The following CCND3 variants were observed in gnomAD, a reference collection of about 807,000 sequenced individuals.
CCND3 encodes the protein G1/S-specific cyclin-D3.
CCND3 carries 9 observed loss-of-function variants against 28.7 expected under a neutral mutation model. The observed-to-expected ratio is 0.31, with a 90% CI of 0.19 to 0.55. CCND3 has a LOEUF of 0.55. CCND3 is among the 20% of genes least tolerant of loss of function. CCND3 has a pLI of 0.93. For synonymous variants in CCND3, 164 were observed against 163.9 expected, an observed-to-expected ratio of 1.00 and a Z score of 0.00; for missense variants, 315 against 385.8, an observed-to-expected ratio of 0.82 and a Z score of 1.54.
intron 1 of CCND3, among the ~76,000 whole-genome samples, chr6:41,964,463 A>AGTGTGTGTGAGTGTGTGTGAATGT (rs1761815524): frequency 6.8e-6 from 1 of 146,112 alleles, no homozygotes; most frequent in African/African-American, 2.7e-5. Flanking sequence ...TCTGTGTGTG[A>AGTGTGTGTGAGTGTGTGTGAATGT]GTGTGTGTGT....
At chr6:42,003,175 A>AAAG (rs1554165224) in intron 1 of CCND3, among the ~76,000 whole-genome samples, 114 of 146,158 alleles carry the variant, frequency 7.8e-4, no homozygotes, top group Middle Eastern at 3.5e-3. Context: ...AAAAAAAAAA[A>AAAG]AGAGAAATAT....
intron 1 of CCND3, among the ~76,000 whole-genome samples, chr6:42,014,971 G>T (rs1047230571): frequency 6.6e-6 from 1 of 152,148 alleles, no homozygotes; most frequent in African/African-American, 2.4e-5. Flanking sequence ...GAGAACCCAG[G>T]TGACACCTTC....
intron 1 of CCND3, among the ~76,000 whole-genome samples, chr6:41,997,828 T>G (rs1319684789): frequency 6.6e-6 from 1 of 151,688 alleles, no homozygotes; most frequent in Non-Finnish European, 1.5e-5. Flanking sequence ...CTAAGGTCCA[T>G]TCCCAACTGG....
intron 1 of CCND3, among the ~76,000 whole-genome samples, chr6:41,972,111 C>T (rs1366421041): frequency 4.0e-5 from 6 of 150,296 alleles, no homozygotes; most frequent in Non-Finnish European, 8.9e-5. Flanking sequence ...GCCTATAGTC[C>T]CAGCCATGCG....
At chr6:41,964,454 CTGTGTGTGAGTGTGTGTGTGAG>C (rs1366977485) in intron 1 of CCND3, among the ~76,000 whole-genome samples, 2 of 84,430 alleles carry the variant, frequency 2.4e-5, no homozygotes, top group African/African-American at 3.8e-5. Flanking sequence ...ATGTGTGAGT[CTGTGTGTGAGTGTGTGTGTGAG>C]TGTGTGTGAA....
intron 1 of CCND3, among the ~76,000 whole-genome samples, chr6:42,000,584 T>TTTTTTTTTTA (rs1582148276): frequency 1.4e-5 from 2 of 146,942 alleles, no homozygotes; most frequent in Non-Finnish European, 3.0e-5. Context: ...TTTTTTTTTC[T>TTTTTTTTTTA]GAGACGGAGT....
intron 1 of CCND3, among the ~76,000 whole-genome samples, chr6:42,035,768 C>A (rs1170079590): frequency 6.6e-6 from 1 of 151,166 alleles, no homozygotes; most frequent in South Asian, 2.1e-4. Flanking sequence ...ACCTCCACCT[C>A]CAGGGTTCAA....
At chr6:42,002,540 T>C (rs1763041124) in intron 1 of CCND3, among the ~76,000 whole-genome samples, 1 of 151,778 alleles carries the variant, frequency 6.6e-6, no homozygotes, top group Non-Finnish European at 1.5e-5. Context: ...GGGAAATATA[T>C]AGCCTTAAGT....
intron 1 of CCND3, among the ~76,000 whole-genome samples, chr6:41,989,100 G>T (rs907797537): frequency 2.0e-5 from 3 of 151,962 alleles, no homozygotes; most frequent in African/African-American, 4.8e-5. Flanking sequence ...TAATTGCAAA[G>T]AACACATTTG....
intron 1 of CCND3, among the ~76,000 whole-genome samples, chr6:42,014,365 CAAACAAAACAAAACAAAACA>C (rs66873567): frequency 1.3e-5 from 2 of 148,714 alleles, no homozygotes; most frequent in African/African-American, 2.5e-5. Flanking sequence ...GACTCTGTCT[CAAACAAAACAAAACAAAACA>C]AAACAAAACA....
intron 1 of CCND3, among the ~76,000 whole-genome samples, chr6:41,993,649 A>G (rs1315883703): frequency 6.6e-6 from 1 of 151,596 alleles, no homozygotes; most frequent in Non-Finnish European, 1.5e-5. Flanking sequence ...ACCTCAGATG[A>G]TCCGCCCACC....
intron 1 of CCND3, among the ~76,000 whole-genome samples, chr6:41,956,762 C>G (rs892134477): frequency 6.6e-6 from 1 of 152,124 alleles, no homozygotes; most frequent in Non-Finnish European, 1.5e-5. Context: ...GGCGCGGTGG[C>G]TCAAGCCTGT....
At chr6:42,003,802 G>A (rs1199687829) in intron 1 of CCND3, among the ~76,000 whole-genome samples, 1 of 151,390 alleles carries the variant, frequency 6.6e-6, no homozygotes. Flanking sequence ...AGCTGGGCTT[G>A]GTGGTGGCAT....
intron 1 of CCND3, among the ~76,000 whole-genome samples, chr6:42,013,677 A>G (rs1763404601): frequency 6.6e-6 from 1 of 152,148 alleles, no homozygotes; most frequent in Non-Finnish European, 1.5e-5. Flanking sequence ...GTTGAATTTT[A>G]TATTGTTAAA....
rs1582079971 is a variant in CCND3 at position 41,935,976 on chromosome 6, G to A, written c.843C>T (p.Thr281=). The change falls in exon 5 of 5, where the codon ACC becomes ACT. Residue 281 remains threonine (T), a synonymous_variant. Coordinates refer to ENST00000372991, the MANE Select transcript of CCND3 (RefSeq NM_001760.5). ...TGGCTGTGACATCTGTAGGAGTGCT[G>A]GTCTGGCTGGGCCCTTGGCTGCTGG... is the stretch of plus-strand genomic sequence containing the variant. The part of the protein sequence containing the change: ...RGSSSQGPSQ[T]STPTDVTAIH... The A allele has an allele frequency of 6.2e-7, 1 of 1,613,102 alleles. No homozygotes were observed. The highest frequency in any genetic ancestry group is 1.3e-5 in the African/African-American group (1 of 75,042).
intron 1 of CCND3, among the ~76,000 whole-genome samples, chr6:41,971,244 AT>A (rs1185578186): frequency 1.3e-5 from 2 of 151,886 alleles, no homozygotes; most frequent in East Asian, 3.9e-4. Context: ...GCATTATTTC[AT>A]TTCATTCTCA....
intron 2 of CCND3, among the ~76,000 whole-genome samples, chr6:41,940,114 C>T (rs940832402): frequency 8.5e-5 from 13 of 152,096 alleles, no homozygotes; most frequent in African/African-American, 3.1e-4. Flanking sequence ...GGGGAAAGAC[C>T]AGGAAGGAGT....
In CCND3 at chr6:42,008,053, T is replaced by C. The variant is rs554495764; in HGVS notation, c.-46+40448A>G. ...AGGCTGTTCTGTTTCCTTTATTGCC[T>C]ATAGCTCTACCTTATTTTTTAATAT... On this transcript the variant is annotated intron_variant, in intron 1 of 4. Transcript: ENST00000372988. Among the ~76,000 whole-genome samples the C allele has an allele frequency of 2.0e-5, 3 of 152,210 alleles. No homozygotes were observed. In the South Asian group the frequency reaches 6.2e-4, roughly 32 times the overall value.
chr6:41,954,551 C>T (rs1467933199), intron 1 of CCND3, among the ~76,000 whole-genome samples: 1 of 122,622 alleles, frequency 8.2e-6, no homozygotes, highest in African/African-American at 3.1e-5. Context: ...GACTCTGTCT[C>T]AAAAAAAAAA....
Sources: gnomAD v4.1 joint callset for allele counts (sites outside exome capture counted in the v4.1 genomes callset) on GRCh38, gnomAD v4.1.1 for gene constraint, MANE v1.5 for transcripts, NCBI Gene and HGNC (gene_info 2026-07-23, HGNC 2026-07-21) for gene names.